The following PRKAG2 variants were observed in gnomAD, a reference collection of about 807,000 sequenced individuals.
PRKAG2 encodes the protein protein kinase AMP-activated non-catalytic subunit gamma 2.
A neutral mutation model predicts 69.6 loss-of-function variants in PRKAG2; 26 were observed. That is an observed-to-expected ratio of 0.37 (90% CI 0.27 to 0.52). The LOEUF is 0.52. Among genes scored for constraint, PRKAG2 ranks in the 20% least tolerant of loss-of-function variants. The pLI, the probability that PRKAG2 is intolerant of heterozygous loss-of-function variation, is 0.90. For synonymous variants in PRKAG2, 293 were observed against 285.0 expected (o/e 1.03, Z -0.28); for missense variants, 557 against 740.0 (o/e 0.75, Z 2.87).
At chr7:151,677,069 G>A (rs1010072909) in intron 3 of PRKAG2, among the ~76,000 whole-genome samples, 4 of 152,218 alleles carry the variant, frequency 2.6e-5, no homozygotes, top group Non-Finnish European at 5.9e-5. Context: ...AATTTTAGTT[G>A]TTTTAAGCCA....
At chr7:151,658,196 A>AATAT (rs60693509) in intron 4 of PRKAG2, among the ~76,000 whole-genome samples, 12 of 142,302 alleles carry the variant, frequency 8.4e-5, no homozygotes, top group African/African-American at 3.2e-4. Flanking sequence ...TAAATAAATA[A>AATAT]GAATAATAGG....
intron 5 of PRKAG2, among the ~76,000 whole-genome samples, chr7:151,623,363 CAAAAAAA>C (rs71198724): frequency 0.045 from 1,647 of 36,572 alleles, 34 homozygotes; most frequent in African/African-American, 0.13. Context: ...GACTCTGTCT[CAAAAAAA>C]AAAAAAAAAA....
chr7:151,711,441 A>G (rs1795307816), intron 3 of PRKAG2, among the ~76,000 whole-genome samples: 1 of 152,136 alleles, frequency 6.6e-6, no homozygotes, highest in Non-Finnish European at 1.5e-5. Context: ...GAGTACTAAG[A>G]GTGCTAAGCT....
chr7:151,724,865 A>G (rs1404677151), intron 3 of PRKAG2, among the ~76,000 whole-genome samples: 2 of 152,080 alleles, frequency 1.3e-5, no homozygotes, highest in Admixed American at 1.3e-4. Flanking sequence ...CTAGATTTCT[A>G]CCTTCAGAAA....
rs61417635 is a variant in PRKAG2, at chr7:151,688,042, G to GCCCCCCCCCCCCCCCCC, written c.467-12406_467-12405insGGGGGGGGGGGGGGGGG. 1.9e-4 allele frequency among the ~76,000 whole-genome samples: 20 copies of GCCCCCCCCCCCCCCCCC among 107,036 alleles called. 4 individuals are homozygous for GCCCCCCCCCCCCCCCCC. Among genetic ancestry groups the GCCCCCCCCCCCCCCCCC allele is most frequent in the South Asian group, 3.5e-4 (1 of 2,890 alleles). 70.2% of individuals were successfully genotyped at this position (107,036 alleles called of 152,430 possible). On this transcript the variant is annotated intron_variant, in intron 3 of 15. Coordinates refer to ENST00000287878, the MANE Select transcript of PRKAG2 (RefSeq NM_016203.4). ...AGGAGGAGGAGGAGGAGGAAATGAG[G>GCCCCCCCCCCCCCCCCC]CCCCCCCCCGGGCTCCTTGCTGAGT... is the stretch of plus-strand genomic sequence containing the variant.
intron 6 of PRKAG2, among the ~76,000 whole-genome samples, chr7:151,579,127 T>A (rs1407548127): frequency 2.6e-5 from 4 of 152,264 alleles, no homozygotes; most frequent in Non-Finnish European, 2.9e-5. Flanking sequence ...CGGGCTCAAG[T>A]GATTCTCCCA....
intron 3 of PRKAG2, among the ~76,000 whole-genome samples, chr7:151,714,448 G>A (rs954923293): frequency 3.3e-4 from 24 of 73,718 alleles, no homozygotes; most frequent in Admixed American, 6.2e-4. Flanking sequence ...TCCGCGACCC[G>A]CCGTCCTCCC....
At chr7:151,714,937 G>A (rs1199394277) in intron 3 of PRKAG2, among the ~76,000 whole-genome samples, 8 of 151,292 alleles carry the variant, frequency 5.3e-5, no homozygotes, top group East Asian at 3.9e-4. Context: ...GCAACAGAGC[G>A]AGACTCCATC....
intron 3 of PRKAG2, among the ~76,000 whole-genome samples, chr7:151,770,920 C>A: frequency 6.6e-6 from 1 of 152,142 alleles, no homozygotes; most frequent in East Asian, 1.9e-4. Context: ...GGGTTCCAGC[C>A]ACGGTTGGGT....
At position 151,560,692 on chromosome 7, in the gene PRKAG2, C is replaced by T. The variant is rs1311612049; in HGVS notation, c.1585-75G>A. The T allele has an allele frequency of 3.2e-6, 5 of 1,564,936 alleles. No homozygotes were observed. The African/African-American group carries it at 5.4e-5, about 17-fold the overall frequency. Reference sequence around the variant, plus strand: ...TAAAATGGACATGAGAAATAATGTCCTGTCATGTTTTTATATGATCAACAC... The same window carrying T: ...TAAAATGGACATGAGAAATAATGTCTTGTCATGTTTTTATATGATCAACAC... On this transcript the variant is annotated intron_variant, in intron 14 of 15. Transcript: ENST00000287878.
At chr7:151,748,261 C>T (rs963055105) in intron 3 of PRKAG2, among the ~76,000 whole-genome samples, 1 of 152,006 alleles carries the variant, frequency 6.6e-6, no homozygotes, top group Non-Finnish European at 1.5e-5. Context: ...GCTATACTTA[C>T]AGTATAAGTA....
Position 151,781,066 on chromosome 7 carries a change from G to C in PRKAG2, c.466+86C>G. ...CCAAGCTGCTCACAGCCACCTGGCA[G>C]CTTCGGTGCCACCGTGGATGTGTGG... On this transcript the variant is annotated intron_variant, in intron 3 of 15. Transcript: ENST00000287878. This position sits in a 1 kb window ranked among gnomAD's most constrained non-coding sequence, Gnocchi z 6.1. 6.4e-7 allele frequency: 1 copy of C among 1,569,872 alleles called. No individual in the cohort carries two copies. Among genetic ancestry groups the C allele is most frequent in the Non-Finnish European group, 8.7e-7 (1 of 1,145,126 alleles).
chr7:151,747,096 G>A (rs906837575), intron 3 of PRKAG2, among the ~76,000 whole-genome samples: 1 of 152,172 alleles, frequency 6.6e-6, no homozygotes, highest in African/African-American at 2.4e-5. Context: ...GTGGCACAAG[G>A]AAGGAGACAG....
intron 3 of PRKAG2, among the ~76,000 whole-genome samples, chr7:151,764,934 G>A (rs2151765062): frequency 6.6e-6 from 1 of 152,364 alleles, no homozygotes; most frequent in African/African-American, 2.4e-5. Context: ...ATGGCTGAGA[G>A]GCCGAGCATC....
chr7:151,793,491 C>T (rs115644459), intron 1 of PRKAG2, among the ~76,000 whole-genome samples: 325 of 152,362 alleles, frequency 2.1e-3, no homozygotes, highest in African/African-American at 7.5e-3. Flanking sequence ...TTCTATCAGA[C>T]GCCCAGTGAC....
intron 1 of PRKAG2, among the ~76,000 whole-genome samples, chr7:151,843,049 C>T (rs2079348435): frequency 1.3e-5 from 2 of 152,054 alleles, no homozygotes; most frequent in Admixed American, 1.3e-4. Flanking sequence ...TTGAAAGACA[C>T]ACATACACGC....
chr7:151,740,151 C>T (rs1361233251), intron 3 of PRKAG2, among the ~76,000 whole-genome samples: 2 of 152,186 alleles, frequency 1.3e-5, no homozygotes, highest in African/African-American at 4.8e-5. Flanking sequence ...CTGATGGAGC[C>T]GACTGGAGGG....
intron 3 of PRKAG2, among the ~76,000 whole-genome samples, chr7:151,760,286 G>C (rs189508164): frequency 2.0e-3 from 311 of 152,302 alleles, no homozygotes; most frequent in African/African-American, 6.8e-3. Context: ...TCCCAGGCTA[G>C]AGTGCAATGG....
intron 3 of PRKAG2, among the ~76,000 whole-genome samples, chr7:151,687,141 G>A (rs867817905): frequency 8.5e-5 from 13 of 152,194 alleles, no homozygotes; most frequent in Non-Finnish European, 7.3e-5. Context: ...GAATCTCACA[G>A]GGGCTAATTT....
Sources: gnomAD v4.1 joint callset for allele counts (sites outside exome capture counted in the v4.1 genomes callset) on GRCh38, gnomAD v4.1.1 for gene constraint, Gnocchi (gnomAD v3.1) non-coding constraint, MANE v1.5 for transcripts, NCBI Gene and HGNC (gene_info 2026-07-23, HGNC 2026-07-21) for gene names.